The following DLGAP2 variants were observed in gnomAD, a reference collection of about 807,000 sequenced individuals.
The protein encoded by DLGAP2 is DLG associated protein 2, also known as disks large-associated protein 2.
In DLGAP2, 26 loss-of-function variants were observed where a neutral mutation model predicts 100.3. That is an observed-to-expected ratio of 0.26 (90% CI 0.19 to 0.36). DLGAP2 has a LOEUF of 0.36. Among genes scored for constraint, DLGAP2 ranks in the 10% least tolerant of loss-of-function variants. The probability of loss-of-function intolerance (pLI) is 1.00; values close to 1 mark genes in which losing one functional copy is unlikely to be tolerated. For synonymous variants in DLGAP2, 886 were observed against 630.1 expected, an observed-to-expected ratio of 1.41 and a Z score of -6.08; for missense variants, 1,858 against 1,453.2, an observed-to-expected ratio of 1.28 and a Z score of -4.53.
chr8:1,463,020 G>T lies in DLGAP2; in HGVS notation c.107-38346G>T, dbSNP rs554979400. Among the ~76,000 whole-genome samples the T allele has an allele frequency of 3.7e-4, 56 of 152,262 alleles. 1 individual carries two copies. In the South Asian group the frequency reaches 4.8e-3, roughly 13 times the overall value. ...TCCCAGCACTTTGGGAGTCTGAGGCGGGTGGATCATTTGAGGTCAGGAGTT... is the reference window on the plus strand; with the variant it reads ...TCCCAGCACTTTGGGAGTCTGAGGCTGGTGGATCATTTGAGGTCAGGAGTT... On this transcript the variant is annotated intron_variant, in intron 3 of 14. Transcript: ENST00000637795.
rs918949502 is a variant in DLGAP2 at position 989,942 on chromosome 8, C to A, written c.73+81976C>A. 4.6e-5 allele frequency among the ~76,000 whole-genome samples: 7 copies of A among 152,174 alleles called. No individual in the cohort carries two copies. The South Asian group carries it at 8.3e-4, about 18-fold the overall frequency. On this transcript the variant is annotated intron_variant, in intron 2 of 14. Transcript: ENST00000637795. Reference sequence around the variant, plus strand: ...GTAATTTGCATGCAGTGAAATGTCGCTGTTGGGTGTTGGGTTCGATGAGCT... The same window carrying A: ...GTAATTTGCATGCAGTGAAATGTCGATGTTGGGTGTTGGGTTCGATGAGCT...
In DLGAP2 at chr8:1,380,662, G is replaced by A. The variant is rs535189549; in HGVS notation, c.107-120704G>A. On this transcript the variant is annotated intron_variant, in intron 3 of 14. Transcript: ENST00000637795. ...CTTCTGAAATTAAAAGTTCGCCGAG[G>A]TGTCATGTTCACTGGGGACTCTCTG... 3.3e-5 allele frequency among the ~76,000 whole-genome samples: 5 copies of A among 152,226 alleles called. No individual in the cohort carries two copies. In the East Asian group the frequency reaches 5.8e-4, roughly 18 times the overall value.
intron 2 of DLGAP2, among the ~76,000 whole-genome samples, chr8:1,086,104 A>G (rs1382583084): frequency 6.6e-6 from 1 of 152,116 alleles, no homozygotes; most frequent in Non-Finnish European, 1.5e-5. Context: ...TGACTTTGGC[A>G]TGTTGATTTT....
At chr8:919,421 A>C (rs1279705207) in intron 2 of DLGAP2, among the ~76,000 whole-genome samples, 2 of 152,156 alleles carry the variant, frequency 1.3e-5, no homozygotes, top group Non-Finnish European at 2.9e-5. Flanking sequence ...TGAGTGGGGA[A>C]GGGAAGCTGG....
chr8:1,312,234 G>C (rs7830580), intron 3 of DLGAP2, among the ~76,000 whole-genome samples: 96,385 of 152,094 alleles, frequency 0.63, 31,082 homozygotes, highest in African/African-American at 0.74. Flanking sequence ...AAAACACAGG[G>C]TCTAGAATTT....
In DLGAP2 at chr8:1,691,504, G is replaced by GT. The variant is rs200506987; in HGVS notation, c.2705-24dup. 6.0e-3 allele frequency: 9,532 copies of GT among 1,587,636 alleles called. 198 individuals carry two copies. Among genetic ancestry groups the GT allele is most frequent in the East Asian group, 0.057 (2,538 of 44,706 alleles). On this transcript the variant is annotated intron_variant, in intron 12 of 14. Transcript: ENST00000637795. ...TAATTGACCCAGTTTTGAAGTTGTT[G>GT]TTTTTTTGTTTTTGTTTTTGTTTTA...
chr8:1,340,977 C>T (rs1285939199), intron 3 of DLGAP2, among the ~76,000 whole-genome samples: 1 of 152,124 alleles, frequency 6.6e-6, no homozygotes, highest in Admixed American at 6.5e-5. Flanking sequence ...CAAACTAGTG[C>T]AGGAACAGAT....
rs76918286 is a variant in DLGAP2, at chr8:1,183,100, A to T, written c.74-75751A>T. Among the ~76,000 whole-genome samples, 16 of 152,134 alleles carry T rather than the reference A, an allele frequency of 1.1e-4. No homozygotes were observed. The East Asian group carries it at 2.9e-3, about 28-fold the overall frequency. On this transcript the variant is annotated intron_variant, in intron 2 of 14. Transcript: ENST00000637795. ...GTAAGAGCTGGGATGACACAAATGC[A>T]TTCACGTTCGATTCCCTCGAGATGC...
At chr8:794,061 G>A (rs12544952) in intron 1 of DLGAP2, among the ~76,000 whole-genome samples, 19,332 of 151,672 alleles carry the variant, frequency 0.13, 1,335 homozygotes, top group East Asian at 0.23. Flanking sequence ...GTTGGGATGA[G>A]CTGTTTGCCG....
chr8:1,387,494 G>A (rs539698269), intron 3 of DLGAP2, among the ~76,000 whole-genome samples: 1 of 152,302 alleles, frequency 6.6e-6, no homozygotes, highest in Admixed American at 6.5e-5. Flanking sequence ...GCAGTTTGCA[G>A]AACTGAGGAG....
intron 6 of DLGAP2, among the ~76,000 whole-genome samples, chr8:1,624,428 A>G (rs1797436721): frequency 6.6e-6 from 1 of 151,970 alleles, no homozygotes; most frequent in South Asian, 2.1e-4. Flanking sequence ...TCCGCTGCAC[A>G]TGACTCTGTA....
At chr8:1,309,040 G>C (rs190748967) in intron 3 of DLGAP2, among the ~76,000 whole-genome samples, 7 of 152,262 alleles carry the variant, frequency 4.6e-5, no homozygotes, top group Non-Finnish European at 7.3e-5. Flanking sequence ...TGGTACAGAT[G>C]ACATTGTGGA....
At chr8:815,321 C>G (rs1796456226) in intron 1 of DLGAP2, among the ~76,000 whole-genome samples, 1 of 152,186 alleles carries the variant, frequency 6.6e-6, no homozygotes, top group African/African-American at 2.4e-5. Flanking sequence ...GAGCAGAACA[C>G]CCTGTTCCCT....
Position 1,490,092 on chromosome 8 carries a change from A to G in DLGAP2, c.107-11274A>G, listed in dbSNP as rs534151124. 1.9e-3 allele frequency among the ~76,000 whole-genome samples: 287 copies of G among 151,920 alleles called. 6 individuals carry two copies. The South Asian group carries it at 0.03, about 16-fold the overall frequency. ...CATTTTTAGTAGACAGGGTTTCACTATGTTGGCCAGGCTGGTCTTGAACTC... is the reference window on the plus strand; with the variant it reads ...CATTTTTAGTAGACAGGGTTTCACTGTGTTGGCCAGGCTGGTCTTGAACTC... On this transcript the variant is annotated intron_variant, in intron 3 of 14. Coordinates refer to ENST00000637795, the MANE Select transcript of DLGAP2 (RefSeq NM_001346810.2).
chr8:890,348 G>A (rs1453403980), intron 1 of DLGAP2, among the ~76,000 whole-genome samples: 2 of 152,140 alleles, frequency 1.3e-5, no homozygotes, highest in African/African-American at 2.4e-5. Context: ...CGTTGCAGGC[G>A]CCTGGATGAG....
intron 2 of DLGAP2, among the ~76,000 whole-genome samples, chr8:965,104 G>T (rs1159252893): frequency 7.1e-6 from 1 of 141,730 alleles, no homozygotes; most frequent in Non-Finnish European, 1.5e-5. Context: ...CACACACGCG[G>T]CTCCAGAGCC....
chr8:1,280,666 G>T (rs1320795112), intron 3 of DLGAP2, among the ~76,000 whole-genome samples: 1 of 152,212 alleles, frequency 6.6e-6, no homozygotes, highest in Admixed American at 6.5e-5. Context: ...GTGAGCAGGT[G>T]CATGGGCCAT....
chr8:1,141,469 G>C (rs1289885294), intron 2 of DLGAP2, among the ~76,000 whole-genome samples: 2 of 152,152 alleles, frequency 1.3e-5, no homozygotes, highest in African/African-American at 4.8e-5. Flanking sequence ...GGTTAGAAGA[G>C]AGCCTATATT....
At chr8:762,372 C>G (rs1821109370) in intron 1 of DLGAP2, among the ~76,000 whole-genome samples, 1 of 152,098 alleles carries the variant, frequency 6.6e-6, no homozygotes. Flanking sequence ...GTCTTTGTTG[C>G]AGAGAAGTAT....
Sources: gnomAD v4.1 joint callset for allele counts (sites outside exome capture counted in the v4.1 genomes callset) on GRCh38, gnomAD v4.1.1 for gene constraint, MANE v1.5 for transcripts, NCBI Gene and HGNC (gene_info 2026-07-23, HGNC 2026-07-21) for gene names.